The following FHL2 variants were observed in gnomAD, a reference collection of about 807,000 sequenced individuals.
FHL2 encodes four and a half LIM domains 2, also known as four and a half LIM domains protein 2.
In FHL2, 20 loss-of-function variants were observed where a neutral mutation model predicts 32.7. The ratio of observed to expected loss-of-function variants is 0.61; its 90% confidence interval spans 0.43 to 0.89. FHL2 has a LOEUF of 0.89. Ranked by LOEUF, FHL2 falls within the 40% of genes least tolerant of loss-of-function variation. The probability of loss-of-function intolerance (pLI) is 0.00; values close to 1 mark genes in which losing one functional copy is unlikely to be tolerated. For missense variants in FHL2, 311 were observed against 358.6 expected, an observed-to-expected ratio of 0.87 and a Z score of 1.07; for synonymous variants, 123 against 128.1, an observed-to-expected ratio of 0.96 and a Z score of 0.27.
At position 105,373,802 on chromosome 2, in the gene FHL2, C is replaced by G. The variant is rs1681271088; in HGVS notation, c.157-69G>C. 54 of 1,534,922 alleles carry G rather than the reference C, an allele frequency of 3.5e-5. 1 individual carries two copies. The highest frequency in any genetic ancestry group is 1.6e-4 in the South Asian group (14 of 87,988). Reference sequence around the variant, plus strand: ...GGGCTTGGACCCACAGCATAGGGGCCCCTTGCGAATCTGCAGGGCAAACAA... The same window carrying G: ...GGGCTTGGACCCACAGCATAGGGGCGCCTTGCGAATCTGCAGGGCAAACAA... On this transcript the variant is annotated intron_variant, in intron 3 of 6. Transcript: ENST00000530340.
At chr2:105,373,788 C>T in intron 3 of FHL2, 55 bp from the exon 4 acceptor site, 1 of 1,592,874 alleles carries the variant, frequency 6.3e-7, no homozygotes, top group South Asian at 1.1e-5. Context: ...GGCTTGGACC[C>T]ACAGCATAGG....
At chr2:105,373,960 A>T (rs1450066366) in intron 3 of FHL2, 7 of 567,652 alleles carry the variant, frequency 1.2e-5, no homozygotes, top group African/African-American at 9.4e-5. Flanking sequence ...ACAGATGTGC[A>T]TGTATGCACA....
intron 1 of FHL2, among the ~76,000 whole-genome samples, chr2:105,415,398 A>C (rs1683904208): frequency 1.3e-5 from 2 of 152,184 alleles, no homozygotes; most frequent in African/African-American, 4.8e-5. Flanking sequence ...AGGGAGGGGG[A>C]AAATTACTTT....
chr2:105,373,753 A>T lies in FHL2; in HGVS notation c.157-20T>A. ...CAAGTCCTGTGGGGCCAGACCACAC[A>T]AGACAGTCAGAGGCAGGACAGGAGG... On this transcript the variant is annotated intron_variant, in intron 3 of 6. Coordinates refer to ENST00000530340, the MANE Select transcript of FHL2 (RefSeq NM_001318895.3). 1 of 1,613,098 alleles carries T rather than the reference A, an allele frequency of 6.2e-7. No individual in the cohort carries two copies. Among genetic ancestry groups the T allele is most frequent in the Non-Finnish European group, 8.5e-7 (1 of 1,179,856 alleles).
chr2:105,404,380 C>T (rs1401615761), intron 1 of FHL2, among the ~76,000 whole-genome samples: 1 of 152,148 alleles, frequency 6.6e-6, no homozygotes, highest in Non-Finnish European at 1.5e-5. Context: ...CAGGAGTGAT[C>T]AAACCAGCAC....
chr2:105,420,921 C>T (rs563573861), intron 1 of FHL2, among the ~76,000 whole-genome samples: 37 of 152,184 alleles, frequency 2.4e-4, no homozygotes, highest in Non-Finnish European at 4.7e-4. Context: ...CCTAACAGGC[C>T]ATGAACCAAG....
chr2:105,371,660 G>T (rs769637094), intron 4 of FHL2, among the ~76,000 whole-genome samples: 1 of 151,990 alleles, frequency 6.6e-6, no homozygotes, highest in African/African-American at 2.4e-5. Context: ...AGTCAAGACA[G>T]GTGAAAAATT....
At chr2:105,385,962 A>G (rs1682278249) in intron 3 of FHL2, 1 of 340,986 alleles carries the variant, frequency 2.9e-6, no homozygotes, top group Non-Finnish European at 5.3e-6. Context: ...TCTCATGTAC[A>G]CATTCATTCA....
chr2:105,416,419 C>T (rs1370033452), intron 1 of FHL2, among the ~76,000 whole-genome samples: 1 of 152,110 alleles, frequency 6.6e-6, no homozygotes, highest in Non-Finnish European at 1.5e-5. Context: ...ACAGAAATGT[C>T]GTTGGAAAAG....
chr2:105,382,183 G>A (rs1681944049), intron 3 of FHL2, among the ~76,000 whole-genome samples: 1 of 152,178 alleles, frequency 6.6e-6, no homozygotes, highest in East Asian at 1.9e-4. Flanking sequence ...ACAAAAGCTG[G>A]AAAGAGAGTT....
rs767220225 is a variant in FHL2 at position 105,373,599 on chromosome 2, G to A, written c.291C>T (p.Tyr97=). The A allele has an allele frequency of 2.0e-5, 33 of 1,614,112 alleles. No homozygotes were observed. Among genetic ancestry groups the A allele is most frequent in the East Asian group, 1.8e-4 (8 of 44,898 alleles). Residue 97 remains tyrosine (Y), a synonymous_variant, in exon 4 of 7, where the codon TAC becomes TAT. Coordinates refer to ENST00000530340, the MANE Select transcript of FHL2 (RefSeq NM_001318895.3). ...LLCTDCYSNE[Y]SSKCQECKKT... is the part of the protein sequence containing the mutation. ...TCTTGCATTCCTGGCACTTGGATGA[G>A]TACTCGTTGGAATAGCAGTCTGTAC...
chr2:105,418,227 G>C (rs968210208), intron 1 of FHL2, among the ~76,000 whole-genome samples: 11 of 152,022 alleles, frequency 7.2e-5, no homozygotes, highest in African/African-American at 2.7e-4. Context: ...GGCTGCCAAG[G>C]GCTCATCATT....
At chr2:105,392,705 G>A (rs773695023) in intron 2 of FHL2, among the ~76,000 whole-genome samples, 16 of 149,016 alleles carry the variant, frequency 1.1e-4, no homozygotes, top group Non-Finnish European at 2.2e-4. Flanking sequence ...AAAGGAAACA[G>A]AAAGAGTAAA....
At chr2:105,435,881 G>A (rs1341699449) in intron 1 of FHL2, among the ~76,000 whole-genome samples, 1 of 152,118 alleles carries the variant, frequency 6.6e-6, no homozygotes, top group East Asian at 1.9e-4. Context: ...TGAAATTCTT[G>A]CACTTTCTTC....
At chr2:105,435,202 C>T (rs541945047) in intron 1 of FHL2, among the ~76,000 whole-genome samples, 1 of 152,230 alleles carries the variant, frequency 6.6e-6, no homozygotes, top group African/African-American at 2.4e-5. Context: ...ATATTCCATA[C>T]TATGGCTAAT....
rs558215908 is a variant in FHL2, at chr2:105,386,518, T to A, written c.-2A>T. The A allele has an allele frequency of 1.1e-5, 18 of 1,614,162 alleles. No individual in the cohort carries two copies. The South Asian group carries it at 1.8e-4, about 16-fold the overall frequency. On this transcript the variant is annotated 5_prime_UTR_variant, in exon 3 of 7. Transcript: ENST00000530340. ...GTGGCAGTCAAAGCGCTCAGTCATTTTGACTCCTGGCTTTTCAGCAACCTA... is the reference window on the plus strand; with the variant it reads ...GTGGCAGTCAAAGCGCTCAGTCATTATGACTCCTGGCTTTTCAGCAACCTA...
chr2:105,418,536 T>C (rs548900968), intron 1 of FHL2, among the ~76,000 whole-genome samples: 1 of 152,368 alleles, frequency 6.6e-6, no homozygotes, highest in Non-Finnish European at 1.5e-5. Context: ...ATCCAGATAT[T>C]TCAGTTGAGC....
At chr2:105,371,899 C>A (rs1030018421) in intron 4 of FHL2, among the ~76,000 whole-genome samples, 1 of 152,114 alleles carries the variant, frequency 6.6e-6, no homozygotes, top group Non-Finnish European at 1.5e-5. Context: ...TGGCTTTCTA[C>A]GGGCTTCAAT....
In FHL2 at chr2:105,367,742, G is replaced by C. The variant is rs1474777232; in HGVS notation, c.332-3C>G. On this transcript the variant is annotated splice_polypyrimidine_tract_variant and splice_region_variant and intron_variant, in intron 4 of 6. Coordinates refer to ENST00000530340, the MANE Select transcript of FHL2 (RefSeq NM_001318895.3). ...CTTGTACTCCATCTTGCGGGTACCT[G>C]TCATCAGGGTCAAGAGGAACACAGC... 1 of 1,612,700 alleles carries C rather than the reference G, an allele frequency of 6.2e-7. No individual in the cohort carries two copies. Among genetic ancestry groups the C allele is most frequent in the Admixed American group, 1.7e-5 (1 of 59,904 alleles).
Sources: gnomAD v4.1 joint callset for allele counts (sites outside exome capture counted in the v4.1 genomes callset) on GRCh38, gnomAD v4.1.1 for gene constraint, MANE v1.5 for transcripts, NCBI Gene and HGNC (gene_info 2026-07-23, HGNC 2026-07-21) for gene names.